The following RBFOX1 variants were observed in gnomAD, a reference collection of about 807,000 sequenced individuals.
RBFOX1 encodes the protein RNA binding protein fox-1 homolog 1.
RBFOX1 carries 8 observed loss-of-function variants against 57.7 expected under a neutral mutation model. The ratio of observed to expected loss-of-function variants is 0.14; its 90% CI spans 0.08 to 0.25. The LOEUF is 0.25. Among genes scored for constraint, RBFOX1 ranks in the 10% least tolerant of loss-of-function variants. RBFOX1 has a pLI of 1.00. For synonymous variants in RBFOX1, 326 were observed against 222.4 expected, an observed-to-expected ratio of 1.47 and a Z score of -4.15; for missense variants, 611 against 548.5, an observed-to-expected ratio of 1.11 and a Z score of -1.14.
chr16:6,279,510 C>G (rs993605026), intron 1 of RBFOX1, among the ~76,000 whole-genome samples: 1 of 152,076 alleles, frequency 6.6e-6, no homozygotes, highest in Admixed American at 6.6e-5. Context: ...TCCATGGAAA[C>G]TTTAAACAAT....
chr16:6,208,720 A>T (rs1254015695), intron 1 of RBFOX1, among the ~76,000 whole-genome samples: 3 of 149,744 alleles, frequency 2.0e-5, no homozygotes, highest in Non-Finnish European at 2.9e-5. Context: ...TTCCATATTT[A>T]AAAAAAAATA....
chr16:6,840,097 A>G (rs184596685), intron 3 of RBFOX1, among the ~76,000 whole-genome samples: 20 of 152,306 alleles, frequency 1.3e-4, no homozygotes, highest in African/African-American at 4.8e-4. Flanking sequence ...GATCAGTACT[A>G]CTGAATTGAC....
intron 1 of RBFOX1, chr16:6,038,540 A>ATC (rs1460739977): frequency 1.4e-5 from 2 of 146,464 alleles, no homozygotes; most frequent in Non-Finnish European, 1.5e-5. Context: ...AGATATATAT[A>ATC]TATATATATA....
chr16:6,733,699 A>G (rs2069268133), intron 3 of RBFOX1, among the ~76,000 whole-genome samples: 2 of 152,114 alleles, frequency 1.3e-5, no homozygotes, highest in Non-Finnish European at 1.5e-5. Flanking sequence ...TTGAGGCTGC[A>G]GTGAACTGAG....
intron 1 of RBFOX1, among the ~76,000 whole-genome samples, chr16:6,045,535 A>G (rs2095486550): frequency 1.3e-5 from 2 of 152,188 alleles, no homozygotes; most frequent in Non-Finnish European, 2.9e-5. Flanking sequence ...TTGTTCATTC[A>G]TTCATTCAGT....
chr16:6,961,519 C>T (rs1598452619), intron 3 of RBFOX1, among the ~76,000 whole-genome samples: 1 of 152,112 alleles, frequency 6.6e-6, no homozygotes, highest in Non-Finnish European at 1.5e-5. Context: ...AGAGCGAGTC[C>T]GTAAAGTCAA....
chr16:7,134,347 A>T (rs142607526), intron 4 of RBFOX1, among the ~76,000 whole-genome samples: 10 of 152,324 alleles, frequency 6.6e-5, no homozygotes, highest in African/African-American at 2.2e-4. Flanking sequence ...GCTCCAGTAT[A>T]TATAACCGTC....
chr16:7,243,440 A>G (rs1445570791), intron 4 of RBFOX1, among the ~76,000 whole-genome samples: 1 of 152,208 alleles, frequency 6.6e-6, no homozygotes, highest in East Asian at 1.9e-4. Flanking sequence ...CCTTTGGTTG[A>G]CATTATCTTT....
intron 4 of RBFOX1, among the ~76,000 whole-genome samples, chr16:7,343,001 A>G (rs1310242757): frequency 6.6e-6 from 1 of 152,150 alleles, no homozygotes; most frequent in Admixed American, 6.5e-5. Context: ...TGGGACTGGA[A>G]CTGGAGCTGG....
At chr16:6,403,655 T>G (rs994452525) in intron 2 of RBFOX1, among the ~76,000 whole-genome samples, 1 of 152,078 alleles carries the variant, frequency 6.6e-6, no homozygotes, top group African/African-American at 2.4e-5. Context: ...GTGCCTGACA[T>G]CAGAGACACT....
At position 6,889,048 on chromosome 16, in the gene RBFOX1, T is replaced by G. The variant is rs148879943; in HGVS notation, c.-15-163009T>G. ...AGGGAATTGCATGTGTTCTCAAATT[T>G]GATTGTATTTTTTCCCTTATAGACA... is the stretch of plus-strand genomic sequence containing the variant. On this transcript the variant is annotated intron_variant, in intron 3 of 15. Transcript: ENST00000550418. 1.0e-3 allele frequency among the ~76,000 whole-genome samples: 157 copies of G among 152,318 alleles called. 1 individual carries two copies. The highest frequency in any genetic ancestry group is 3.7e-3 in the African/African-American group (152 of 41,574).
At chr16:5,287,735 A>C (rs148303603) in intron 1 of RBFOX1, among the ~76,000 whole-genome samples, 1 of 152,192 alleles carries the variant, frequency 6.6e-6, no homozygotes, top group Non-Finnish European at 1.5e-5. Context: ...AAATGAATGC[A>C]CAGTTTCCAA....
At chr16:6,148,257 G>A (rs1026246055) in intron 1 of RBFOX1, among the ~76,000 whole-genome samples, 3 of 152,222 alleles carry the variant, frequency 2.0e-5, no homozygotes, top group East Asian at 1.9e-4. Flanking sequence ...AATCTGGGAG[G>A]TAGAGGTTGC....
intron 4 of RBFOX1, among the ~76,000 whole-genome samples, chr16:7,251,049 A>G (rs1018695520): frequency 6.6e-6 from 1 of 152,196 alleles, no homozygotes; most frequent in African/African-American, 2.4e-5. Flanking sequence ...GTGATTTTCA[A>G]GAACATGATA....
intron 2 of RBFOX1, among the ~76,000 whole-genome samples, chr16:6,630,811 G>C (rs1318125159): frequency 1.3e-5 from 2 of 152,134 alleles, no homozygotes; most frequent in South Asian, 2.1e-4. Flanking sequence ...CTCGTTACAG[G>C]AGTTAAGAAA....
At chr16:6,608,848 A>C (rs933893726) in intron 2 of RBFOX1, among the ~76,000 whole-genome samples, 3 of 152,220 alleles carry the variant, frequency 2.0e-5, no homozygotes, top group Non-Finnish European at 4.4e-5. Flanking sequence ...CACTGGACTA[A>C]AATCATGGTG....
At chr16:6,856,817 G>A (rs368909738) in intron 3 of RBFOX1, among the ~76,000 whole-genome samples, 3 of 152,070 alleles carry the variant, frequency 2.0e-5, no homozygotes, top group Admixed American at 1.3e-4. Flanking sequence ...TAAGCATTGC[G>A]ATTGTCAAAC....
At chr16:5,981,837 A>C (rs1394344038) in intron 4 of RBFOX1, among the ~76,000 whole-genome samples, 1 of 152,130 alleles carries the variant, frequency 6.6e-6, no homozygotes, top group East Asian at 1.9e-4. Flanking sequence ...TGTGCATGGG[A>C]TATTTTTGGC....
chr16:6,831,057 C>A (rs1444383416), intron 3 of RBFOX1, among the ~76,000 whole-genome samples: 6 of 152,320 alleles, frequency 3.9e-5, no homozygotes, highest in South Asian at 4.1e-4. Context: ...TTGCTCTAAT[C>A]AAATGTACCT....
Sources: gnomAD v4.1 joint callset for allele counts (sites outside exome capture counted in the v4.1 genomes callset) on GRCh38, gnomAD v4.1.1 for gene constraint, MANE v1.5 for transcripts, NCBI Gene and HGNC (gene_info 2026-07-23, HGNC 2026-07-21) for gene names.